Variants in PPP2R3C observed in about 807,000 individuals in gnomAD.
PPP2R3C encodes protein phosphatase 2 regulatory subunit B''gamma.
Under a neutral mutation model 63.7 loss-of-function variants are expected in PPP2R3C, and 47 were observed. The ratio of observed to expected loss-of-function variants is 0.74; its 90% CI spans 0.58 to 0.94. The LOEUF (loss-of-function observed/expected upper bound fraction) is 0.94. Ranked by LOEUF, PPP2R3C falls within the 40% of genes least tolerant of loss-of-function variation. The pLI is 0.00. For synonymous variants in PPP2R3C, 180 were observed against 177.4 expected, an observed-to-expected ratio of 1.01 and a Z score of -0.12; for missense variants, 421 against 518.4, an observed-to-expected ratio of 0.81 and a Z score of 1.82.
chr14:35,107,450 ATT>A, intron 5 of PPP2R3C, 76 bp from the exon 6 acceptor site: 1 of 1,194,730 alleles, frequency 8.4e-7, no homozygotes, highest in Non-Finnish European at 1.2e-6. Flanking sequence ...AAAGAGCCAG[ATT>A]TGAGACAAGC....
chr14:35,088,685 T>C (rs1479500662), intron 11 of PPP2R3C, among the ~76,000 whole-genome samples: 1 of 152,190 alleles, frequency 6.6e-6, no homozygotes, highest in Non-Finnish European at 1.5e-5. Context: ...TAGATAAGAA[T>C]CTGAGTACAT....
chr14:35,120,081 C>T (rs1447969306), intron 1 of PPP2R3C, among the ~76,000 whole-genome samples: 8 of 150,116 alleles, frequency 5.3e-5, no homozygotes, highest in African/African-American at 2.0e-4. Context: ...CCTCGTGATC[C>T]GCCCGCCTCG....
At chr14:35,120,127 C>CTGA (rs1566431183) in intron 1 of PPP2R3C, among the ~76,000 whole-genome samples, 3 of 151,678 alleles carry the variant, frequency 2.0e-5, no homozygotes, top group Non-Finnish European at 4.4e-5. Flanking sequence ...GCTTGAGCCA[C>CTGA]CGCGCCCGGC....
chr14:35,122,124 T>A (rs535842502), upstream of PPP2R3C: 4 of 630,608 alleles, frequency 6.3e-6, no homozygotes, highest in Non-Finnish European at 1.1e-5. Flanking sequence ...AAACAATTAC[T>A]GTCACTGCCG....
rs376252612 is a variant in PPP2R3C, at chr14:35,107,245, A to G, written c.573+59T>C. 219 of 1,307,228 alleles carry G rather than the reference A, an allele frequency of 1.7e-4. No homozygotes were observed. The African/African-American group carries it at 2.5e-3, about 15-fold the overall frequency. 81.0% of individuals were successfully genotyped at this position (1,307,228 alleles called of 1,614,324 possible). On this transcript the variant is annotated intron_variant, in intron 6 of 12. Coordinates refer to ENST00000261475, the MANE Select transcript of PPP2R3C (RefSeq NM_017917.4). The stretch of plus-strand genomic sequence containing the variant: ...GTAATCCCAACACCCAGTGATAACT[A>G]CAGTTTACATTTTAGTGTCTATAAG...
chr14:35,105,024 G>A lies in PPP2R3C; in HGVS notation c.573+2280C>T, dbSNP rs192714803. On this transcript the variant is annotated intron_variant, in intron 6 of 12. Coordinates refer to ENST00000261475, the MANE Select transcript of PPP2R3C (RefSeq NM_017917.4). ...GCTGGGATTACAGGCGTGAGCTACCGTGTCTGGCTTCTCTTATATTTTCTT... is the reference window on the plus strand; with the variant it reads ...GCTGGGATTACAGGCGTGAGCTACCATGTCTGGCTTCTCTTATATTTTCTT... Among the ~76,000 whole-genome samples, 467 of 150,346 alleles carry A rather than the reference G, an allele frequency of 3.1e-3. 3 individuals carry two copies. The highest frequency in any genetic ancestry group is 0.017 in the Middle Eastern group (5 of 294).
At chr14:35,110,188 T>A (rs2046504582) in intron 3 of PPP2R3C, 1 of 447,988 alleles carries the variant, frequency 2.2e-6, no homozygotes, top group Non-Finnish European at 4.0e-6. Context: ...TTAGAGATGA[T>A]AATCGAAGCA....
intron 1 of PPP2R3C, among the ~76,000 whole-genome samples, chr14:35,119,463 G>C (rs749190590): frequency 5.3e-5 from 8 of 151,292 alleles, no homozygotes; most frequent in Non-Finnish European, 1.2e-4. Flanking sequence ...TCAGCCTCTC[G>C]AGTAGCTAGG....
chr14:35,091,164 C>T lies in PPP2R3C; in HGVS notation c.1019G>A (p.Arg340Lys). 2 of 1,610,876 alleles carry T rather than the reference C, an allele frequency of 1.2e-6. No individual in the cohort carries two copies. The highest frequency in any genetic ancestry group is 8.5e-7 in the Non-Finnish European group (1 of 1,178,374). ...YLDFVLALENRKEPAALQYIF... is the reference protein window; with the variant it reads ...YLDFVLALENKKEPAALQYIF... Reference sequence around the variant, plus strand: ...ATATTGTAGAGCTGCAGGTTCCTTTCTGTTTTCTAATGCAAGGACAAAGTC... The same window carrying T: ...ATATTGTAGAGCTGCAGGTTCCTTTTTGTTTTCTAATGCAAGGACAAAGTC... Residue 340 changes from arginine to lysine, a missense_variant, in exon 11 of 13, where the codon AGA becomes AAA. Physicochemically the swap from Arg to Lys is conservative, Grantham distance 26. Coordinates refer to ENST00000261475, the MANE Select transcript of PPP2R3C (RefSeq NM_017917.4).
intron 1 of PPP2R3C, among the ~76,000 whole-genome samples, chr14:35,119,743 T>C (rs938621752): frequency 6.0e-5 from 9 of 150,052 alleles, no homozygotes; most frequent in Middle Eastern, 3.4e-3. Context: ...TCTGATGATG[T>C]AGGAAAGAAA....
chr14:35,094,195 T>A (rs533653786), intron 10 of PPP2R3C, among the ~76,000 whole-genome samples: 144 of 151,882 alleles, frequency 9.5e-4, no homozygotes, highest in African/African-American at 3.3e-3. Context: ...TTAAGAGACA[T>A]GGTCTCACTC....
At chr14:35,095,934 T>C (rs144520251) in intron 9 of PPP2R3C, among the ~76,000 whole-genome samples, 1,983 of 150,182 alleles carry the variant, frequency 0.013, 17 homozygotes, top group Non-Finnish European at 0.019. Context: ...CAGTAGACCC[T>C]GGGAATAGCA....
At chr14:35,110,004 G>A in intron 3 of PPP2R3C, 73 bp from the exon 4 acceptor site, 1 of 1,107,624 alleles carries the variant, frequency 9.0e-7, no homozygotes, top group East Asian at 2.5e-5. Context: ...TTAAATGTGT[G>A]CTTTCCACTA....
chr14:35,107,429 A>G lies in PPP2R3C; in HGVS notation c.503-55T>C. The G allele has an allele frequency of 4.3e-6, 6 of 1,404,120 alleles. No homozygotes were observed. In the Admixed American group the frequency reaches 1.0e-4, roughly 24 times the overall value. The allele number at this position is 1,404,120 out of a possible 1,614,324, so 87.0% of individuals were successfully genotyped here. On this transcript the variant is annotated intron_variant, in intron 5 of 12. Coordinates refer to ENST00000261475, the MANE Select transcript of PPP2R3C (RefSeq NM_017917.4). ...TCTTAAGATCTATCCTTCAGATATG[A>G]AAAAGGAGATAAAGAGCCAGATTTG...
intron 6 of PPP2R3C, among the ~76,000 whole-genome samples, chr14:35,104,959 C>A (rs1255774751): frequency 6.6e-6 from 1 of 151,680 alleles, no homozygotes; most frequent in Non-Finnish European, 1.5e-5. Context: ...GTCTCGAAGT[C>A]CTGACATCAA....
intron 10 of PPP2R3C, among the ~76,000 whole-genome samples, chr14:35,094,366 G>A (rs567058872): frequency 1.6e-4 from 25 of 151,848 alleles, no homozygotes; most frequent in South Asian, 4.2e-4. Context: ...AGACAGTCTC[G>A]CTGTATTGCT....
rs563553121 is a variant in PPP2R3C, at chr14:35,093,346, A to G, written c.975+1702T>C. The stretch of plus-strand genomic sequence containing the variant: ...TATTCTTAGAAAAGTTCCTTTCTGC[A>G]TAAATAGCACTAAAGAGTTAAAGAA... On this transcript the variant is annotated intron_variant, in intron 10 of 12. Transcript: ENST00000261475. Among the ~76,000 whole-genome samples the G allele has an allele frequency of 1.2e-3, 186 of 152,262 alleles. 1 individual carries two copies. Among genetic ancestry groups the G allele is most frequent in the Non-Finnish European group, 2.9e-4 (20 of 68,024 alleles).
At chr14:35,107,126 G>C (rs1469189533) in intron 6 of PPP2R3C, among the ~76,000 whole-genome samples, 178 bp downstream of exon 6, 1 of 152,092 alleles carries the variant, frequency 6.6e-6, no homozygotes, top group African/African-American at 2.4e-5. Flanking sequence ...TTTAAAAGTT[G>C]AAAGTGTACA....
chr14:35,116,171 CAATAA>C (rs2046704484), intron 2 of PPP2R3C, among the ~76,000 whole-genome samples: 1 of 151,828 alleles, frequency 6.6e-6, no homozygotes, highest in Non-Finnish European at 1.5e-5. Flanking sequence ...AGATCAATTA[CAATAA>C]AATAATATAT....
Sources: gnomAD v4.1 joint callset for allele counts (sites outside exome capture counted in the v4.1 genomes callset) on GRCh38, gnomAD v4.1.1 for gene constraint, MANE v1.5 for transcripts, NCBI Gene and HGNC (gene_info 2026-07-23, HGNC 2026-07-21) for gene names.